Variants in BRINP3 observed in about 807,000 individuals in gnomAD.
The protein encoded by BRINP3 is BMP/retinoic acid-inducible neural-specific protein 3.
In BRINP3, 19 loss-of-function variants were observed where a neutral mutation model predicts 71.0. The ratio of observed to expected loss-of-function variants is 0.27; its 90% CI spans 0.19 to 0.39. The LOEUF is 0.39. BRINP3 is among the 10% of genes least tolerant of loss of function. The pLI is 1.00. For missense variants in BRINP3, 959 were observed against 940.8 expected (o/e 1.02, Z -0.25); for synonymous variants, 380 against 337.7 (o/e 1.13, Z -1.37).
chr1:190,334,906 G>GA lies in BRINP3; in HGVS notation c.237-53157dup, dbSNP rs1667191888. Among the ~76,000 whole-genome samples, 2 of 151,616 alleles carry GA rather than the reference G, an allele frequency of 1.3e-5. 1 individual carries two copies. Among genetic ancestry groups the GA allele is most frequent in the South Asian group, 4.1e-4 (2 of 4,824 alleles). ...GAAGTGGTGGTAGTCTCTATAAGAA[G>GA]AAAAAAGCATGAAAGACAGGACACA... On this transcript the variant is annotated intron_variant, in intron 2 of 7. Transcript: ENST00000367462.
chr1:190,290,233 T>C (rs1663757260), intron 2 of BRINP3, among the ~76,000 whole-genome samples: 1 of 152,090 alleles, frequency 6.6e-6, no homozygotes, highest in African/African-American at 2.4e-5. Context: ...TGTAAAAACC[T>C]ACTCCCACTG....
At chr1:190,194,228 A>G (rs950120855) in intron 6 of BRINP3, among the ~76,000 whole-genome samples, 2 of 152,136 alleles carry the variant, frequency 1.3e-5, no homozygotes, top group African/African-American at 4.8e-5. Context: ...AAGCATAATC[A>G]CAGAATGCAG....
At chr1:190,165,724 A>G (rs1243587436) in intron 6 of BRINP3, among the ~76,000 whole-genome samples, 6 of 152,066 alleles carry the variant, frequency 3.9e-5, no homozygotes, top group Admixed American at 3.9e-4. Flanking sequence ...AAGTTAATCA[A>G]AAACCTCGAC....
chr1:190,180,909 T>C (rs925729334), intron 6 of BRINP3, among the ~76,000 whole-genome samples: 1 of 152,048 alleles, frequency 6.6e-6, no homozygotes, highest in African/African-American at 2.4e-5. Flanking sequence ...CTAATGATTG[T>C]ATTTTACATC....
chr1:190,431,281 T>C (rs988383337), intron 2 of BRINP3, among the ~76,000 whole-genome samples: 5 of 152,016 alleles, frequency 3.3e-5, no homozygotes, highest in African/African-American at 1.2e-4. Context: ...AATATTTGTA[T>C]GCAAGGTTAA....
chr1:190,399,857 C>T (rs1401288227), intron 2 of BRINP3, among the ~76,000 whole-genome samples: 1 of 151,956 alleles, frequency 6.6e-6, no homozygotes, highest in African/African-American at 2.4e-5. Flanking sequence ...AATTTAGCTA[C>T]TCCTGGTCTT....
intron 2 of BRINP3, among the ~76,000 whole-genome samples, chr1:190,329,101 T>C (rs183724188): frequency 7.3e-4 from 111 of 152,082 alleles, no homozygotes; most frequent in Admixed American, 1.7e-3. Flanking sequence ...CATTTCCCCT[T>C]GAAAATTTGA....
intron 7 of BRINP3, among the ~76,000 whole-genome samples, chr1:190,129,491 A>G (rs1654357380): frequency 6.6e-6 from 1 of 151,988 alleles, no homozygotes. Context: ...GTAGATAATT[A>G]CAGCATTGTT....
rs1452685476 is a variant in BRINP3 at position 190,405,465 on chromosome 1, AAAAAAAAAAAAAAAAAAAAAAAAAAAAC to A, written c.236+49162_236+49189del. On this transcript the variant is annotated intron_variant, in intron 2 of 7. Transcript: ENST00000367462. ...GACTCCGTCTCAAAAAAAAAAAAAA[AAAAAAAAAAAAAAAAAAAAAAAAAAAAC>A]CAGAATCAGAAGCGTGACATATCAT... Among the ~76,000 whole-genome samples, 12 of 93,546 alleles carry A rather than the reference AAAAAAAAAAAAAAAAAAAAAAAAAAAAC, an allele frequency of 1.3e-4. No homozygotes were observed. In the South Asian group the frequency reaches 1.7e-3, roughly 13 times the overall value. 61.4% of individuals were successfully genotyped at this position (93,546 alleles called of 152,430 possible).
rs140929838 is a variant in BRINP3, at chr1:190,439,690, G to A, written c.236+14965C>T. ...AGCTGAAACCGTGAACAGTGCCAAG[G>A]AAGAGAATGCAATGTGAGCCTAATT... On this transcript the variant is annotated intron_variant, in intron 2 of 7. Transcript: ENST00000367462. 5.6e-3 allele frequency among the ~76,000 whole-genome samples: 844 copies of A among 151,996 alleles called. 5 individuals are homozygous for A. Among genetic ancestry groups the A allele is most frequent in the African/African-American group, 0.019 (779 of 41,524 alleles).
intron 2 of BRINP3, among the ~76,000 whole-genome samples, chr1:190,317,348 C>T (rs1363468343): frequency 6.6e-6 from 1 of 152,080 alleles, no homozygotes; most frequent in Non-Finnish European, 1.5e-5. Context: ...CTGTCACTCA[C>T]ATCAAACCTC....
chr1:190,221,883 T>G (rs1005346645), intron 6 of BRINP3, among the ~76,000 whole-genome samples: 16 of 152,132 alleles, frequency 1.1e-4, no homozygotes, highest in African/African-American at 3.4e-4. Flanking sequence ...AATAGTTTTA[T>G]GCCCAACAAC....
chr1:190,111,630 T>C (rs1652706694), intron 7 of BRINP3, among the ~76,000 whole-genome samples: 1 of 152,186 alleles, frequency 6.6e-6, no homozygotes, highest in Non-Finnish European at 1.5e-5. Flanking sequence ...GATTGCTTCT[T>C]ACTCCTTTAG....
chr1:190,176,156 A>G (rs1652490500), intron 6 of BRINP3, among the ~76,000 whole-genome samples: 1 of 152,194 alleles, frequency 6.6e-6, no homozygotes, highest in East Asian at 1.9e-4. Context: ...CTGTTTCACC[A>G]TGATGATATC....
At chr1:190,152,373 C>CA (rs1205965244) in intron 7 of BRINP3, among the ~76,000 whole-genome samples, 2 of 152,004 alleles carry the variant, frequency 1.3e-5, no homozygotes, top group East Asian at 3.9e-4. Context: ...CAGACAGACT[C>CA]AGAGTTTACA....
At chr1:190,260,948 A>G (rs1465641705) in intron 4 of BRINP3, among the ~76,000 whole-genome samples, 1 of 152,056 alleles carries the variant, frequency 6.6e-6, no homozygotes, top group East Asian at 1.9e-4. Flanking sequence ...TTTCTTTTCT[A>G]CATTTCAAGA....
At chr1:190,380,440 G>T (rs764564664) in intron 2 of BRINP3, among the ~76,000 whole-genome samples, 7 of 152,156 alleles carry the variant, frequency 4.6e-5, no homozygotes, top group Non-Finnish European at 8.8e-5. Flanking sequence ...AAAGTAGATG[G>T]ATATTGGAAT....
chr1:190,204,800 T>C (rs1432663807), intron 6 of BRINP3, among the ~76,000 whole-genome samples: 2 of 152,052 alleles, frequency 1.3e-5, no homozygotes, highest in African/African-American at 2.4e-5. Flanking sequence ...AAATATAAAA[T>C]GGTTCAATAT....
chr1:190,320,300 T>G (rs1666154706), intron 2 of BRINP3, among the ~76,000 whole-genome samples: 1 of 152,034 alleles, frequency 6.6e-6, no homozygotes, highest in Admixed American at 6.6e-5. Context: ...TTACTCGATT[T>G]TTAGTGAACC....
Sources: gnomAD v4.1 joint callset for allele counts (sites outside exome capture counted in the v4.1 genomes callset) on GRCh38, gnomAD v4.1.1 for gene constraint, MANE v1.5 for transcripts, NCBI Gene and HGNC (gene_info 2026-07-23, HGNC 2026-07-21) for gene names.